Variants in MITD1 observed in about 807,000 individuals in gnomAD.
The protein encoded by MITD1 is microtubule interacting and trafficking domain containing 1.
In MITD1, 24 loss-of-function variants were observed where a neutral mutation model predicts 34.9. The ratio of observed to expected loss-of-function variants is 0.69; its 90% CI spans 0.50 to 0.97. MITD1 has a LOEUF of 0.97. Ranked by LOEUF, MITD1 falls within the 50% of genes least tolerant of loss-of-function variation. MITD1 has a pLI of 0.00. For missense variants in MITD1, 266 were observed against 294.6 expected (o/e 0.90, Z 0.71); for synonymous variants, 102 against 101.4 (o/e 1.01, Z -0.04).
chr2:99,161,980 A>G lies in MITD1; in HGVS notation c.*242T>C, dbSNP rs1436613972. 2 of 1,602,148 alleles carry G rather than the reference A, an allele frequency of 1.2e-6. No individual in the cohort carries two copies. Among genetic ancestry groups the G allele is most frequent in the Non-Finnish European group, 1.7e-6 (2 of 1,173,004 alleles). ...AGCATGCTGATCCCATTTTCAATGA[A>G]GAATTGCTTCCAGTTACTTTGTAAC... is the stretch of plus-strand genomic sequence containing the variant. On this transcript the variant is annotated 3_prime_UTR_variant, in exon 8 of 8. Transcript: ENST00000422537.
At chr2:99,162,737 T>G (rs1440086223) in intron 7 of MITD1, 1 of 1,614,112 alleles carries the variant, frequency 6.2e-7, no homozygotes, top group Non-Finnish European at 8.5e-7. Context: ...CTGGAATAAA[T>G]AGCAAAGCCA....
At chr2:99,166,858 A>T (rs1308922337), downstream of MITD1, among the ~76,000 whole-genome samples, 10 of 115,382 alleles carry the variant, frequency 8.7e-5, no homozygotes, top group Non-Finnish European at 1.1e-4. Flanking sequence ...TGGGGTTTTA[A>T]ATATATATAT....
downstream of MITD1, among the ~76,000 whole-genome samples, chr2:99,167,247 T>C (rs976234673): frequency 3.9e-5 from 6 of 152,200 alleles, no homozygotes; most frequent in African/African-American, 1.4e-4. Flanking sequence ...TCATTTAATT[T>C]ATAAATTAAG....
intron 1 of MITD1, among the ~76,000 whole-genome samples, chr2:99,180,000 T>C (rs565498261): frequency 6.6e-6 from 1 of 152,086 alleles, no homozygotes; most frequent in Non-Finnish European, 1.5e-5. Flanking sequence ...ACCGGGAGTG[T>C]CGGGGGTTGG....
chr2:99,180,922 C>CT lies in MITD1; in HGVS notation c.59dup (p.Arg21AlafsTer23). On this transcript the variant is annotated frameshift_variant, in exon 1 of 7. Coordinates refer to ENST00000289359, the MANE Select transcript of MITD1 (RefSeq NM_138798.3). LOFTEE classifies it high-confidence loss of function. ...ACTCCGAATCTAGTTCTACTGCCCG[C>CT]TTTAGCACAGTGGCTGCAGCTGTGC... is the stretch of plus-strand genomic sequence containing the variant. The CT allele has an allele frequency of 6.2e-7, 1 of 1,614,206 alleles. No individual in the cohort carries two copies. Among genetic ancestry groups the CT allele is most frequent in the South Asian group, 1.1e-5 (1 of 91,092 alleles).
At chr2:99,176,299 G>T (rs1206802323) in intron 1 of MITD1, among the ~76,000 whole-genome samples, 1 of 150,942 alleles carries the variant, frequency 6.6e-6, no homozygotes, top group African/African-American at 2.4e-5. Context: ...TGTGGCCCAG[G>T]ACAGCTCTGA....
chr2:99,170,540 A>C lies in MITD1; in HGVS notation c.590T>G (p.Ile197Ser). The C allele has an allele frequency of 6.9e-7, 1 of 1,456,790 alleles. No individual in the cohort carries two copies. The highest frequency in any genetic ancestry group is 9.5e-7 in the Non-Finnish European group (1 of 1,050,264). The allele number at this position is 1,456,790 out of a possible 1,614,324, so 90.2% of individuals were successfully genotyped here. A position where few individuals can be genotyped will look rare whatever the true frequency, so the allele number is the denominator to read the frequency against. Residue 197 changes from isoleucine to serine, a missense_variant, in exon 5 of 7, where the codon ATT becomes AGT. Ile to Ser is a moderately radical substitution (Grantham distance 142). Transcript: ENST00000289359. ...TAAAACATTATTGTAGACTAACCTA[A>C]TTTCTCGGTCATGTATTGAAGAAGA... ...QYSSSIHDRE[I>S]RFNNGWMIKI...
At position 99,174,150 on chromosome 2, in the gene MITD1, C is replaced by T. The variant is rs1170736670; in HGVS notation, c.152-134G>A. ...TGGCTTGCCTCAGTCCTCAAACACA[C>T]ACAATAAACTCAAATTTGGCTTGAA... On this transcript the variant is annotated intron_variant, in intron 1 of 6. Coordinates refer to ENST00000289359, the MANE Select transcript of MITD1 (RefSeq NM_138798.3). 1.2e-4 allele frequency: 66 copies of T among 564,134 alleles called. 1 individual carries two copies. In the East Asian group the frequency reaches 2.0e-3, roughly 17 times the overall value. 34.9% of individuals were successfully genotyped at this position (564,134 alleles called of 1,614,324 possible).
chr2:99,176,210 C>A (rs1325394447), intron 1 of MITD1, among the ~76,000 whole-genome samples: 1 of 152,166 alleles, frequency 6.6e-6, no homozygotes, highest in Non-Finnish European at 1.5e-5. Context: ...CCTTGGCCTT[C>A]CGAAGTGCTG....
intron 2 of MITD1, 52 bp from the exon 3 acceptor site, chr2:99,171,698 CAT>C (rs1417830266): frequency 9.1e-6 from 14 of 1,540,484 alleles, no homozygotes; most frequent in Non-Finnish European, 1.2e-5. Context: ...TTTTTTTACA[CAT>C]TTTATATTTT....
chr2:99,163,175 A>G, intron 7 of MITD1: 1 of 678,546 alleles, frequency 1.5e-6, no homozygotes, highest in African/African-American at 1.9e-5. Context: ...TCTTTTAGTA[A>G]CGTCAAAAAA....
At chr2:99,180,736 T>G in intron 1 of MITD1, 95 bp downstream of exon 1, 1 of 1,079,266 alleles carries the variant, frequency 9.3e-7, no homozygotes, top group Non-Finnish European at 1.4e-6. Flanking sequence ...CTTCGTGGTG[T>G]GGAAAAATCA....
chr2:99,171,388 T>A lies in MITD1; in HGVS notation c.432A>T (p.Arg144Ser), dbSNP rs1401138743. The change falls in exon 4 of 7, where the codon AGA becomes AGT. Residue 144 changes from arginine (R) to serine (S), a missense_variant. Coordinates refer to ENST00000289359, the MANE Select transcript of MITD1 (RefSeq NM_138798.3). ...GGTGAATAGTTTTTACTTTACATGGTCTCTTAATAAGCATCTCACAAAATC... is the reference window on the plus strand; with the variant it reads ...GGTGAATAGTTTTTACTTTACATGGACTCTTAATAAGCATCTCACAAAATC... ...FLRFCEMLIK[R>S]PCKVKTIHLL... is the part of the protein sequence containing the mutation. The A allele has an allele frequency of 6.2e-7, 1 of 1,612,370 alleles. No homozygotes were observed. The highest frequency in any genetic ancestry group is 2.2e-5 in the East Asian group (1 of 44,758).
At position 99,180,962 on chromosome 2, in the gene MITD1, C is replaced by G; in HGVS notation, c.20G>C (p.Arg7Thr). Residue 7 changes from arginine to threonine, a missense_variant, in exon 1 of 7, where the codon AGG becomes ACG. Physicochemically the swap from Arg to Thr is moderately conservative, Grantham distance 71. Transcript: ENST00000289359. MAKSGL[R>T]QDPQSTAAAT... Reference sequence around the variant, plus strand: ...TGCAGCTGTGCTCTGCGGGTCCTGCCTCAGCCCGGACTTCGCCATAATTCT... The same window carrying G: ...TGCAGCTGTGCTCTGCGGGTCCTGCGTCAGCCCGGACTTCGCCATAATTCT... 1 of 1,613,878 alleles carries G rather than the reference C, an allele frequency of 6.2e-7. No individual in the cohort carries two copies.
intron 2 of MITD1, 38 bp from the exon 3 acceptor site, chr2:99,171,684 ATTT>A: frequency 6.9e-7 from 1 of 1,444,786 alleles, no homozygotes; most frequent in Non-Finnish European, 9.3e-7. Context: ...ACCAGTGACC[ATTT>A]TTTTTTTACA....
At chr2:99,176,811 T>G (rs2093890530) in intron 1 of MITD1, among the ~76,000 whole-genome samples, 1 of 152,160 alleles carries the variant, frequency 6.6e-6, no homozygotes, top group African/African-American at 2.4e-5. Flanking sequence ...TCATCTTGTT[T>G]ATTTTTTGCC....
In MITD1 at chr2:99,162,353, A is replaced by T. The variant is rs759251247; in HGVS notation, c.*4-135T>A. 4 of 1,613,902 alleles carry T rather than the reference A, an allele frequency of 2.5e-6. No homozygotes were observed. The South Asian group carries it at 4.4e-5, about 18-fold the overall frequency. ...ATGATAGAATGGAAAATCTGAAATTAATTGTGAGAGCTCTGAATGCTGTCC... is the reference window on the plus strand; with the variant it reads ...ATGATAGAATGGAAAATCTGAAATTTATTGTGAGAGCTCTGAATGCTGTCC... On this transcript the variant is annotated intron_variant, in intron 7 of 7. Coordinates refer to the MITD1 transcript ENST00000422537.
At chr2:99,166,189 TAAAA>T (rs554451762), downstream of MITD1, among the ~76,000 whole-genome samples, 3 of 132,816 alleles carry the variant, frequency 2.3e-5, no homozygotes, top group Admixed American at 7.6e-5. Flanking sequence ...GAGTGTGAAT[TAAAA>T]AAAAAAAAAA....
chr2:99,164,938 A>C (rs150993223), downstream of MITD1, among the ~76,000 whole-genome samples: 138 of 151,630 alleles, frequency 9.1e-4, 3 homozygotes, highest in East Asian at 0.016. Context: ...AAACATATGG[A>C]CTCAAGGTAT....
Sources: gnomAD v4.1 joint callset for allele counts (sites outside exome capture counted in the v4.1 genomes callset) on GRCh38, gnomAD v4.1.1 for gene constraint, MANE v1.5 for transcripts, NCBI Gene and HGNC (gene_info 2026-07-23, HGNC 2026-07-21) for gene names.